The following NRXN3 variants were observed in gnomAD, a reference collection of about 807,000 sequenced individuals.
The protein encoded by NRXN3 is neurexin III.
A neutral mutation model predicts 137.6 loss-of-function variants in NRXN3; 32 were observed. The ratio of observed to expected loss-of-function variants is 0.23; its 90% CI spans 0.18 to 0.31. The LOEUF (loss-of-function observed/expected upper bound fraction) is 0.31. Among genes scored for constraint, NRXN3 ranks in the 10% least tolerant of loss-of-function variants. The pLI is 1.00. For missense variants in NRXN3, 1,574 were observed against 2,062.5 expected (o/e 0.76, Z 4.59); for synonymous variants, 798 against 784.5 (o/e 1.02, Z -0.29).
intron 10 of NRXN3, among the ~76,000 whole-genome samples, chr14:78,939,434 A>G (rs1407273768): frequency 6.6e-6 from 1 of 152,202 alleles, no homozygotes; most frequent in Non-Finnish European, 1.5e-5. Flanking sequence ...ATGTTCATCT[A>G]CCTTGGTTCC....
At chr14:78,415,863 C>T (rs2093107577) in intron 4 of NRXN3, among the ~76,000 whole-genome samples, 1 of 152,028 alleles carries the variant, frequency 6.6e-6, no homozygotes, top group African/African-American at 2.4e-5. Context: ...TCCAGAAACA[C>T]AGCTCTCACC....
At chr14:78,613,161 T>C (rs2097314576) in intron 4 of NRXN3, among the ~76,000 whole-genome samples, 1 of 151,860 alleles carries the variant, frequency 6.6e-6, no homozygotes, top group Non-Finnish European at 1.5e-5. Context: ...ACTTGTTTAA[T>C]TGCGCTAAGT....
At position 79,257,589 on chromosome 14, in the gene NRXN3, ATGGTGG is replaced by A. The variant is rs780777887; in HGVS notation, c.3263-209611_3263-209606del. On this transcript the variant is annotated intron_variant, in intron 15 of 20. Transcript: ENST00000335750. ...GGTGGTGGTGGTGGTGATGGTAATG[ATGGTGG>A]TGGTGGTGGTGGTGGTGGTGACGAT... is the stretch of plus-strand genomic sequence containing the variant. Among the ~76,000 whole-genome samples the A allele has an allele frequency of 3.3e-4, 10 of 29,864 alleles. 1 individual carries two copies. Among genetic ancestry groups the A allele is most frequent in the Non-Finnish European group, 4.3e-4 (6 of 14,026 alleles). The allele number at this position is 29,864 out of a possible 152,430, so 19.6% of individuals were successfully genotyped here. A position where few individuals can be genotyped will look rare whatever the true frequency, so the allele number is the denominator to read the frequency against.
chr14:78,239,793 G>A (rs1286792604), intron 1 of NRXN3, among the ~76,000 whole-genome samples: 4 of 152,058 alleles, frequency 2.6e-5, no homozygotes, highest in African/African-American at 4.8e-5. Flanking sequence ...TGCAAACTCT[G>A]CATCCCAGGT....
At chr14:79,203,064 T>A (rs1301116073) in intron 15 of NRXN3, among the ~76,000 whole-genome samples, 1 of 152,134 alleles carries the variant, frequency 6.6e-6, no homozygotes, top group African/African-American at 2.4e-5. Flanking sequence ...TGGTGTCCAT[T>A]ATCTTTTACC....
At chr14:78,516,269 C>T (rs1275594182) in intron 4 of NRXN3, among the ~76,000 whole-genome samples, 1 of 151,476 alleles carries the variant, frequency 6.6e-6, no homozygotes, top group Non-Finnish European at 1.5e-5. Flanking sequence ...ACTAAATTCA[C>T]AGCCAAATGG....
intron 10 of NRXN3, among the ~76,000 whole-genome samples, chr14:78,817,075 G>A (rs2098935926): frequency 6.6e-6 from 1 of 152,174 alleles, no homozygotes; most frequent in Non-Finnish European, 1.5e-5. Flanking sequence ...TAGTAATTTT[G>A]TGTAATTTAT....
chr14:78,358,193 A>G (rs2084608094), intron 4 of NRXN3, among the ~76,000 whole-genome samples: 2 of 152,172 alleles, frequency 1.3e-5, no homozygotes, highest in Non-Finnish European at 2.9e-5. Flanking sequence ...GGAGTGCTGT[A>G]GGGGTGGTGG....
At chr14:78,996,405 G>A (rs777500448) in intron 15 of NRXN3, among the ~76,000 whole-genome samples, 9 of 152,184 alleles carry the variant, frequency 5.9e-5, no homozygotes, top group Non-Finnish European at 5.9e-5. Context: ...TGACTGCAAA[G>A]TCTGGGCTCT....
chr14:78,854,974 G>A (rs928511769), intron 10 of NRXN3, among the ~76,000 whole-genome samples: 3 of 152,010 alleles, frequency 2.0e-5, no homozygotes, highest in African/African-American at 7.2e-5. Context: ...ATGATAGCTG[G>A]CCAACATGGT....
At chr14:78,330,419 A>C (rs2080664999) in intron 4 of NRXN3, among the ~76,000 whole-genome samples, 2 of 152,108 alleles carry the variant, frequency 1.3e-5, no homozygotes, top group South Asian at 4.1e-4. Context: ...TTCACATGGA[A>C]GGAGCCCACC....
intron 6 of NRXN3, among the ~76,000 whole-genome samples, chr14:78,676,894 T>G (rs2098013507): frequency 6.6e-6 from 1 of 152,150 alleles, no homozygotes; most frequent in South Asian, 2.1e-4. Context: ...CTCTGTAAGT[T>G]GAACAACAAA....
chr14:79,497,151 C>T (rs1015611578), intron 16 of NRXN3, among the ~76,000 whole-genome samples: 1 of 152,140 alleles, frequency 6.6e-6, no homozygotes, highest in Non-Finnish European at 1.5e-5. Flanking sequence ...TTTCAATATA[C>T]AGTAGTTCAC....
chr14:78,607,032 C>T (rs2097258968), intron 4 of NRXN3, among the ~76,000 whole-genome samples: 2 of 152,180 alleles, frequency 1.3e-5, no homozygotes, highest in South Asian at 2.1e-4. Flanking sequence ...CTGGCATGCT[C>T]ATAATTTCTA....
At chr14:79,373,951 G>T (rs994763152) in intron 15 of NRXN3, among the ~76,000 whole-genome samples, 14 of 152,062 alleles carry the variant, frequency 9.2e-5, no homozygotes, top group African/African-American at 3.1e-4. Context: ...TCATGTTTCA[G>T]AGCTCTGGTA....
chr14:79,714,616 A>T (rs1214633270), intron 19 of NRXN3, among the ~76,000 whole-genome samples: 2 of 152,212 alleles, frequency 1.3e-5, no homozygotes, highest in African/African-American at 2.4e-5. Context: ...TTTATGTTGC[A>T]TTCAGCAATA....
chr14:78,788,407 C>T (rs1034204203), intron 8 of NRXN3, among the ~76,000 whole-genome samples: 5 of 152,148 alleles, frequency 3.3e-5, no homozygotes, highest in Non-Finnish European at 7.3e-5. Context: ...TTCAGTTTTG[C>T]ACCTTGGAAT....
chr14:79,790,436 G>A (rs2099141525), intron 19 of NRXN3, among the ~76,000 whole-genome samples: 1 of 151,962 alleles, frequency 6.6e-6, no homozygotes, highest in Non-Finnish European at 1.5e-5. Context: ...CTGAGTGGCT[G>A]GGACTACGGG....
chr14:78,514,116 A>G (rs1407748010), intron 4 of NRXN3, among the ~76,000 whole-genome samples: 1 of 151,966 alleles, frequency 6.6e-6, no homozygotes, highest in East Asian at 1.9e-4. Context: ...GCTAGCAGGA[A>G]CCCAAAGTGA....
Sources: gnomAD v4.1 joint callset for allele counts (sites outside exome capture counted in the v4.1 genomes callset) on GRCh38, gnomAD v4.1.1 for gene constraint, MANE v1.5 for transcripts, NCBI Gene and HGNC (gene_info 2026-07-23, HGNC 2026-07-21) for gene names.